The following ASAP1 variants were observed in gnomAD, a reference collection of about 807,000 sequenced individuals.
ASAP1 encodes the protein ArfGAP with SH3 domain, ankyrin repeat and PH domain 1.
A neutral mutation model predicts 145.2 loss-of-function variants in ASAP1; 43 were observed. The observed-to-expected ratio is 0.30, with a 90% CI of 0.23 to 0.38. ASAP1 has a LOEUF of 0.38. Ranked by LOEUF, ASAP1 falls within the 10% of genes least tolerant of loss-of-function variation. ASAP1 has a pLI of 1.00. For missense variants in ASAP1, 1,018 were observed against 1,355.3 expected (o/e 0.75, Z 3.91); for synonymous variants, 546 against 515.5 (o/e 1.06, Z -0.80).
chr8:130,337,854 C>T (rs1160900816), intron 3 of ASAP1, among the ~76,000 whole-genome samples: 2 of 152,220 alleles, frequency 1.3e-5, no homozygotes, highest in South Asian at 2.1e-4. Flanking sequence ...ATCCTAAAAT[C>T]GAACCTACAT....
At chr8:130,171,407 G>A (rs1813586543) in intron 9 of ASAP1, among the ~76,000 whole-genome samples, 1 of 152,124 alleles carries the variant, frequency 6.6e-6, no homozygotes, top group Admixed American at 6.6e-5. Context: ...AACCATGGCA[G>A]AAGGCACCTC....
chr8:130,379,569 T>C (rs541466520), intron 2 of ASAP1, among the ~76,000 whole-genome samples: 97 of 152,166 alleles, frequency 6.4e-4, no homozygotes, highest in Non-Finnish European at 1.1e-3. Context: ...TTCCAGACAG[T>C]TAGGGTCAGA....
At chr8:130,178,275 A>G (rs1025834213) in intron 9 of ASAP1, among the ~76,000 whole-genome samples, 1 of 152,172 alleles carries the variant, frequency 6.6e-6, no homozygotes, top group African/African-American at 2.4e-5. Context: ...TATAACTTCC[A>G]TCAACGAATA....
chr8:130,229,499 G>A (rs1817781094), intron 4 of ASAP1, among the ~76,000 whole-genome samples: 1 of 152,174 alleles, frequency 6.6e-6, no homozygotes, highest in Non-Finnish European at 1.5e-5. Context: ...GACTGTAGTT[G>A]TCAAGAAGGG....
chr8:130,093,086 A>G (rs577910347), intron 24 of ASAP1, among the ~76,000 whole-genome samples: 4 of 152,174 alleles, frequency 2.6e-5, no homozygotes, highest in Non-Finnish European at 5.9e-5. Context: ...CAACATTTAT[A>G]TAGACACTGA....
At chr8:130,208,816 A>G (rs1405048332) in intron 5 of ASAP1, 1 of 152,194 alleles carries the variant, frequency 6.6e-6, no homozygotes. Flanking sequence ...TTCTGAATCT[A>G]TGACTTGACT....
At chr8:130,154,656 C>CA (rs2097654326) in intron 12 of ASAP1, among the ~76,000 whole-genome samples, 2 of 152,166 alleles carry the variant, frequency 1.3e-5, no homozygotes, top group Non-Finnish European at 2.9e-5. Flanking sequence ...AAAGCTGCCA[C>CA]AACACAAATT....
At chr8:130,276,193 C>A (rs979741068) in intron 3 of ASAP1, among the ~76,000 whole-genome samples, 3 of 152,186 alleles carry the variant, frequency 2.0e-5, no homozygotes, top group Non-Finnish European at 2.9e-5. Flanking sequence ...ACAGCAAACT[C>A]CTAGAGCTTC....
chr8:130,084,547 AAG>A (rs958532740), intron 25 of ASAP1: 2 of 152,198 alleles, frequency 1.3e-5, no homozygotes, highest in African/African-American at 4.8e-5. Context: ...AGTTTGTGGA[AAG>A]AGAGGGGGCA....
At chr8:130,201,476 T>C (rs1815865095) in intron 5 of ASAP1, among the ~76,000 whole-genome samples, 2 of 152,256 alleles carry the variant, frequency 1.3e-5, no homozygotes, top group African/African-American at 4.8e-5. Flanking sequence ...AATGCAATTA[T>C]ATTTTATCTA....
At chr8:130,347,840 C>T (rs550400872) in intron 3 of ASAP1, among the ~76,000 whole-genome samples, 20 of 152,314 alleles carry the variant, frequency 1.3e-4, no homozygotes, top group East Asian at 7.7e-4. Context: ...AGAGAAGACC[C>T]TCATTCTTGC....
chr8:130,386,153 A>C (rs1004367056), intron 2 of ASAP1, among the ~76,000 whole-genome samples: 2 of 152,186 alleles, frequency 1.3e-5, no homozygotes, highest in African/African-American at 4.8e-5. Flanking sequence ...GGAGAACCTG[A>C]GAATACAGCC....
intron 2 of ASAP1, among the ~76,000 whole-genome samples, chr8:130,383,736 G>C (rs1196799383): frequency 6.6e-6 from 1 of 152,188 alleles, no homozygotes; most frequent in East Asian, 1.9e-4. Context: ...AGAAGACAGA[G>C]GCCTGACCAC....
chr8:130,188,389 G>A (rs1814888637), intron 5 of ASAP1, among the ~76,000 whole-genome samples: 1 of 152,162 alleles, frequency 6.6e-6, no homozygotes, highest in East Asian at 1.9e-4. Flanking sequence ...CAGAGGTGGA[G>A]TCATTTGTGC....
At chr8:130,136,494 C>T (rs527244536) in intron 14 of ASAP1, among the ~76,000 whole-genome samples, 1 of 151,524 alleles carries the variant, frequency 6.6e-6, no homozygotes, top group East Asian at 1.9e-4. Context: ...TATAGTGGCA[C>T]ATCTGCATTC....
chr8:130,096,192 T>TA, intron 24 of ASAP1, among the ~76,000 whole-genome samples: 1 of 152,200 alleles, frequency 6.6e-6, no homozygotes, highest in South Asian at 2.1e-4. Context: ...AATGCAGACT[T>TA]AAAAAAATGT....
chr8:130,442,417 G>A (rs1297141211), intron 1 of ASAP1, among the ~76,000 whole-genome samples: 2 of 152,118 alleles, frequency 1.3e-5, no homozygotes, highest in Non-Finnish European at 2.9e-5. Context: ...CAGAAGACCC[G>A]CATTTTCTTA....
intron 3 of ASAP1, among the ~76,000 whole-genome samples, chr8:130,277,152 G>A (rs1388277437): frequency 6.6e-6 from 1 of 152,178 alleles, no homozygotes; most frequent in Non-Finnish European, 1.5e-5. Flanking sequence ...TACGATGCAT[G>A]CTCTAGCTGA....
intron 27 of ASAP1, among the ~76,000 whole-genome samples, chr8:130,066,559 ATTCT>A (rs756294507): frequency 9.2e-4 from 136 of 148,450 alleles, no homozygotes; most frequent in African/African-American, 2.2e-3. Flanking sequence ...TTTCTTTCTC[ATTCT>A]TTCTTTCTTT....
Sources: allele counts gnomAD v4.1 joint callset (sites outside exome capture counted in the v4.1 genomes callset), GRCh38; gene constraint gnomAD v4.1.1; transcripts MANE v1.5; gene names NCBI Gene and HGNC (gene_info 2026-07-23, HGNC 2026-07-21).